Variants in PRKG1 observed in about 807,000 individuals in gnomAD.
PRKG1 encodes the protein cGMP-dependent protein kinase 1.
In PRKG1, 35 loss-of-function variants were observed where a neutral mutation model predicts 88.1. The observed-to-expected ratio is 0.40, with a 90% CI of 0.30 to 0.53. The LOEUF (loss-of-function observed/expected upper bound fraction) is 0.53, where lower values mean the gene tolerates loss of function less well. Ranked by LOEUF, PRKG1 falls within the 20% of genes least tolerant of loss-of-function variation. The pLI is 0.59. For synonymous variants in PRKG1, 303 were observed against 292.5 expected, an observed-to-expected ratio of 1.04 and a Z score of -0.37; for missense variants, 540 against 839.8, an observed-to-expected ratio of 0.64 and a Z score of 4.41.
intron 12 of PRKG1, among the ~76,000 whole-genome samples, chr10:52,274,506 T>G (rs1048674700): frequency 1.3e-5 from 2 of 148,444 alleles, no homozygotes; most frequent in African/African-American, 5.0e-5. Flanking sequence ...CATATATATA[T>G]ATACATGCCA....
At chr10:51,355,595 G>A (rs1005177362) in intron 2 of PRKG1, among the ~76,000 whole-genome samples, 2 of 151,884 alleles carry the variant, frequency 1.3e-5, no homozygotes, top group African/African-American at 2.4e-5. Flanking sequence ...TAACCATCGC[G>A]ATAACTTAGC....
intron 3 of PRKG1, among the ~76,000 whole-genome samples, chr10:51,607,143 C>T (rs1305693497): frequency 1.3e-5 from 2 of 152,160 alleles, no homozygotes; most frequent in Admixed American, 6.5e-5. Flanking sequence ...ATGTGCATAT[C>T]GAATTAGTAG....
intron 5 of PRKG1, among the ~76,000 whole-genome samples, chr10:52,040,832 C>CT (rs11312625): frequency 0.17 from 14,881 of 85,310 alleles, 2,205 homozygotes; most frequent in African/African-American, 0.31. Flanking sequence ...AATGGCTTTT[C>CT]TTTTTTTTTT....
chr10:51,282,365 A>G (rs766810047), intron 2 of PRKG1, among the ~76,000 whole-genome samples: 4 of 152,086 alleles, frequency 2.6e-5, no homozygotes, highest in Non-Finnish European at 4.4e-5. Flanking sequence ...TTATATATAT[A>G]TATAGAGAGA....
At chr10:51,656,216 C>T (rs1385728499) in intron 3 of PRKG1, among the ~76,000 whole-genome samples, 2 of 152,146 alleles carry the variant, frequency 1.3e-5, no homozygotes, top group African/African-American at 4.8e-5. Context: ...GTTAAGTGAA[C>T]TTTTCTCTTC....
chr10:51,364,037 T>C (rs1200488812), intron 2 of PRKG1, among the ~76,000 whole-genome samples: 1 of 151,996 alleles, frequency 6.6e-6, no homozygotes, highest in African/African-American at 2.4e-5. Flanking sequence ...CTGACCTCTC[T>C]TTTCCTGGGC....
At chr10:51,008,869 T>C (rs921439843) in intron 1 of PRKG1, among the ~76,000 whole-genome samples, 4 of 152,214 alleles carry the variant, frequency 2.6e-5, no homozygotes, top group Admixed American at 6.5e-5. Context: ...TGGAGGCTTT[T>C]TCACCTGCCA....
chr10:51,326,952 T>G (rs913143053), intron 2 of PRKG1, among the ~76,000 whole-genome samples: 1 of 152,190 alleles, frequency 6.6e-6, no homozygotes, highest in Non-Finnish European at 1.5e-5. Context: ...TTTATTGTGT[T>G]GATCATGAAA....
intron 1 of PRKG1, among the ~76,000 whole-genome samples, chr10:51,034,668 TTATATATATATATATATATATA>T (rs1554831108): frequency 1.5e-5 from 1 of 68,188 alleles, no homozygotes; most frequent in Non-Finnish European, 2.7e-5. Flanking sequence ...AATATGTTAT[TTATATATATATATATATATATA>T]TATATATATA....
intron 1 of PRKG1, among the ~76,000 whole-genome samples, chr10:51,076,436 T>C (rs1034525103): frequency 3.9e-5 from 6 of 152,198 alleles, no homozygotes; most frequent in Non-Finnish European, 7.3e-5. Flanking sequence ...TGACCATCTC[T>C]CCTGGGCCAA....
intron 8 of PRKG1, among the ~76,000 whole-genome samples, chr10:52,146,488 A>G (rs535296989): frequency 1.3e-5 from 2 of 152,296 alleles, no homozygotes; most frequent in South Asian, 4.1e-4. Flanking sequence ...CTTGCAAGGA[A>G]TTCTTTTTTT....
At chr10:51,968,616 T>A (rs1253332158) in intron 5 of PRKG1, among the ~76,000 whole-genome samples, 1 of 151,092 alleles carries the variant, frequency 6.6e-6, no homozygotes, top group Non-Finnish European at 1.5e-5. Context: ...AGGTCAAGAG[T>A]TCGAGACCAG....
At chr10:51,452,073 A>G (rs1353693823) in intron 2 of PRKG1, among the ~76,000 whole-genome samples, 1 of 151,952 alleles carries the variant, frequency 6.6e-6, no homozygotes, top group Non-Finnish European at 1.5e-5. Context: ...TTCACATGCC[A>G]TACAATTTAC....
intron 4 of PRKG1, among the ~76,000 whole-genome samples, chr10:51,883,084 A>G (rs1361240594): frequency 6.6e-6 from 1 of 152,232 alleles, no homozygotes; most frequent in Non-Finnish European, 1.5e-5. Flanking sequence ...TGAGGACCTG[A>G]ATAGAACAAA....
At chr10:50,994,764 T>C (rs1223299424) in intron 1 of PRKG1, among the ~76,000 whole-genome samples, 1 of 149,204 alleles carries the variant, frequency 6.7e-6, no homozygotes, top group African/African-American at 2.5e-5. Flanking sequence ...CTTCTATCCA[T>C]GGGTTCCACA....
chr10:52,223,459 A>G (rs1014325536), intron 9 of PRKG1, among the ~76,000 whole-genome samples: 2 of 152,074 alleles, frequency 1.3e-5, no homozygotes, highest in Admixed American at 6.6e-5. Flanking sequence ...CATCTCTGCT[A>G]CTTTGGTTGG....
In PRKG1 at chr10:51,704,242, C is replaced by T. The variant is rs868649391; in HGVS notation, c.593-100343C>T. Among the ~76,000 whole-genome samples, 622 of 150,896 alleles carry T rather than the reference C, an allele frequency of 4.1e-3. 7 individuals carry two copies. Among genetic ancestry groups the T allele is most frequent in the African/African-American group, 0.014 (581 of 40,874 alleles). ...AGCTGATAGATGATAGATAGACAGA[C>T]AGACAGACAGATAGATAGATAGATA... is the stretch of plus-strand genomic sequence containing the variant. On this transcript the variant is annotated intron_variant, in intron 3 of 17. Transcript: ENST00000373980.
At chr10:51,989,454 A>G (rs1844246761) in intron 5 of PRKG1, among the ~76,000 whole-genome samples, 1 of 152,066 alleles carries the variant, frequency 6.6e-6, no homozygotes, top group African/African-American at 2.4e-5. Flanking sequence ...TTCAAGGTCA[A>G]GTCAATGACA....
chr10:51,465,259 TA>T (rs149913397), intron 2 of PRKG1, among the ~76,000 whole-genome samples: 2 of 151,478 alleles, frequency 1.3e-5, no homozygotes, highest in East Asian at 3.9e-4. Flanking sequence ...CCTCCTTCTT[TA>T]AAAAAAAACT....
Sources: gnomAD v4.1 joint callset for allele counts (sites outside exome capture counted in the v4.1 genomes callset) on GRCh38, gnomAD v4.1.1 for gene constraint, MANE v1.5 for transcripts, NCBI Gene and HGNC (gene_info 2026-07-23, HGNC 2026-07-21) for gene names.